Variants in MUC3A observed in about 807,000 individuals in gnomAD.
MUC3A encodes mucin-3A.
MUC3A carries 109 observed loss-of-function variants against 109.0 expected under a neutral mutation model. That is an observed-to-expected ratio of 1.00 (90% CI 0.86 to 1.17). MUC3A has a LOEUF of 1.17. Among genes scored for constraint, MUC3A ranks in the 50% most tolerant of loss-of-function variants. The pLI is 0.00. For synonymous variants in MUC3A, 1,398 were observed against 981.4 expected (o/e 1.42, Z -7.93); for missense variants, 3,537 against 2,469.4 (o/e 1.43, Z -9.16).
At position 100,958,797 on chromosome 7, in the gene MUC3A, A is replaced by C; in HGVS notation, c.7018A>C (p.Ser2340Arg). The change falls in exon 2 of 12, where the codon AGC becomes CGC. Residue 2340 changes from serine to arginine, a missense_variant. By Grantham distance (110) the Ser-to-Arg change is moderately radical. Transcript: ENST00000379458. Reference sequence around the variant, plus strand: ...CGAGACCACCTCACACAATACTCGCAGCTTCACTTCTTCGATCACCACCAC... The same window carrying C: ...CGAGACCACCTCACACAATACTCGCCGCTTCACTTCTTCGATCACCACCAC... ...TTETTSHNTR[S>R]FTSSITTTET... 8.1e-7 allele frequency: 1 copy of C among 1,229,452 alleles called. No individual in the cohort carries two copies. Among genetic ancestry groups the C allele is most frequent in the Non-Finnish European group, 1.0e-6 (1 of 976,874 alleles). The allele number at this position is 1,229,452 out of a possible 1,614,324, so 76.2% of individuals were successfully genotyped here. A position where few individuals can be genotyped will look rare whatever the true frequency, so the allele number is the denominator to read the frequency against.
rs376472248 is a variant in MUC3A, at chr7:100,959,559, C to G, written c.7780C>G (p.Pro2594Ala). 6 of 1,592,828 alleles carry G rather than the reference C, an allele frequency of 3.8e-6. No homozygotes were observed. In the African/African-American group the frequency reaches 5.3e-5, roughly 14 times the overall value. Reference protein sequence around the residue: ...LTSATGTQTSPAPTTVTFGST... With the variant: ...LTSATGTQTSAAPTTVTFGST... ...GTCAGCCACTGGGACCCAAACATCT[C>G]CTGCACCTACTACTGTCACCTTTGG... The change falls in exon 2 of 12, where the codon CCT becomes GCT. Residue 2594 changes from proline to alanine, a missense_variant. By Grantham distance (27) the Pro-to-Ala change is conservative. Transcript: ENST00000379458.
At chr7:100,964,926 A>G in intron 6 of MUC3A, 83 bp downstream of exon 6, 1 of 1,493,754 alleles carries the variant, frequency 6.7e-7, no homozygotes. Flanking sequence ...CACTGGGCTC[A>G]GGTGCCAGCC....
At position 100,959,756 on chromosome 7, in the gene MUC3A, T is replaced by C. The variant is rs775788057; in HGVS notation, c.7977T>C (p.Thr2659=). 2.5e-6 allele frequency: 4 copies of C among 1,598,098 alleles called. No homozygotes were observed. Among genetic ancestry groups the C allele is most frequent in the African/African-American group, 2.7e-5 (2 of 74,952 alleles). The change falls in exon 2 of 12, where the codon ACT becomes ACC. Residue 2659 remains threonine, a synonymous_variant. Coordinates refer to ENST00000379458, the MANE Select transcript of MUC3A (RefSeq NM_005960.2). Reference sequence around the variant, plus strand: ...CACTCACATCTACAAGTGAGTTCACTACAGAATCTTTCACTAGGGGAAGTA... The same window carrying C: ...CACTCACATCTACAAGTGAGTTCACCACAGAATCTTTCACTAGGGGAAGTA... ...QTSLTSTSEF[T]TESFTRGSTS... is the part of the protein sequence containing the mutation.
rs74356244 is a variant in MUC3A at position 100,952,703 on chromosome 7, C to G, written c.924C>G (p.Ile308Met). Residue 308 changes from isoleucine (I) to methionine (M), a missense_variant, in exon 2 of 12, where the codon ATC (isoleucine) becomes ATG (methionine). Coordinates refer to ENST00000379458, the MANE Select transcript of MUC3A (RefSeq NM_005960.2). ...VLSTETITSG[I>M]TNTTPLSTLV... ...GCACAGAAACAATCACCAGTGGTAT[C>G]ACAAACACCACCCCCCTATCCACCT... The G allele has an allele frequency of 3.8e-6, 6 of 1,569,860 alleles. No individual in the cohort carries two copies. In the South Asian group the frequency reaches 6.7e-5, roughly 17 times the overall value.
In MUC3A at chr7:100,958,279, C is replaced by G; in HGVS notation, c.6500C>G (p.Thr2167Ser). 1 of 904,290 alleles carries G rather than the reference C, an allele frequency of 1.1e-6. No homozygotes were observed. 56.0% of individuals were successfully genotyped at this position (904,290 alleles called of 1,614,324 possible). The change falls in exon 2 of 12, where the codon ACC becomes AGC. Residue 2167 changes from threonine to serine, a missense_variant. Thr to Ser is a moderately conservative substitution (Grantham distance 58). Coordinates refer to ENST00000379458, the MANE Select transcript of MUC3A (RefSeq NM_005960.2). The stretch of plus-strand genomic sequence containing the variant: ...CCCAGCTTCACTTCTTTGATCACCA[C>G]CACGGAGACCACCTCACACAGGTGG... ...STPSFTSLIT[T>S]TETTSHRWGT...
chr7:100,957,348 AC>A lies in MUC3A; in HGVS notation c.5571del (p.Tyr1858IlefsTer5), dbSNP rs1792124960. ...SALTDSTTRTTYSTNMTGTLS... is the reference protein window; with the variant it reads ...SALTDSTTRTXYSTNMTGTLS... Reference sequence around the variant, plus strand: ...TCTCACAGATTCCACGACCAGAACCACCTATTCCACCAATATGACAGGTACA... The same window carrying A: ...TCTCACAGATTCCACGACCAGAACCACTATTCCACCAATATGACAGGTACA... On this transcript the variant is annotated frameshift_variant, in exon 2 of 12. Transcript: ENST00000379458. LOFTEE classifies it high-confidence loss of function. 1 of 617,462 alleles carries A rather than the reference AC, an allele frequency of 1.6e-6. No homozygotes were observed. The highest frequency in any genetic ancestry group is 2.8e-6 in the Non-Finnish European group (1 of 355,812). 38.2% of individuals were successfully genotyped at this position (617,462 alleles called of 1,614,324 possible). A position where few individuals can be genotyped will look rare whatever the true frequency, so the allele number is the denominator to read the frequency against.
Position 100,949,563 on chromosome 7 carries a change from C to A in MUC3A, c.-62C>A. On this transcript the variant is annotated 5_prime_UTR_variant, in exon 1 of 12. Coordinates refer to ENST00000379458, the MANE Select transcript of MUC3A (RefSeq NM_005960.2). The stretch of plus-strand genomic sequence containing the variant: ...TCATTACGTGCACGCCCCAGGGCCA[C>A]GTCCCTGCCGCTGTCTTGGTCCTGA... 9.0e-7 allele frequency: 1 copy of A among 1,115,040 alleles called. No homozygotes were observed. The highest frequency in any genetic ancestry group is 1.1e-6 in the Non-Finnish European group (1 of 897,434). 69.1% of individuals were successfully genotyped at this position (1,115,040 alleles called of 1,614,324 possible).
At chr7:100,950,368 T>C (rs956017482) in intron 1 of MUC3A, among the ~76,000 whole-genome samples, 1 of 152,304 alleles carries the variant, frequency 6.6e-6, no homozygotes, top group African/African-American at 2.4e-5. Context: ...CACCTCGCAA[T>C]TCCTCTATAC....
chr7:100,959,866 C>G lies in MUC3A; in HGVS notation c.8087C>G (p.Ser2696Cys), dbSNP rs747153362. ...PTIIMSSSPS[S>C]ASITPVFSTT... ...ATTATCATGTCCTCTTCTCCATCTT[C>G]TGCCAGCATAACTCCAGTGTTTTCC... The change falls in exon 2 of 12, where the codon TCT becomes TGT. Residue 2696 changes from serine to cysteine, a missense_variant. By Grantham distance (112) the Ser-to-Cys change is moderately radical. Coordinates refer to ENST00000379458, the MANE Select transcript of MUC3A (RefSeq NM_005960.2). 8.3e-6 allele frequency: 13 copies of G among 1,558,278 alleles called. No individual in the cohort carries two copies. Among genetic ancestry groups the G allele is most frequent in the Non-Finnish European group, 1.0e-5 (12 of 1,160,068 alleles).
rs752636224 is a variant in MUC3A at position 100,960,239 on chromosome 7, T to C, written c.8460T>C (p.Ser2820=). 1 of 1,598,402 alleles carries C rather than the reference T, an allele frequency of 6.3e-7. No homozygotes were observed. Among genetic ancestry groups the C allele is most frequent in the South Asian group, 1.1e-5 (1 of 91,084 alleles). Residue 2820 remains serine (S), a synonymous_variant, in exon 2 of 12, where the codon AGT becomes AGC. Transcript: ENST00000379458. ...TGGTCACCTGTCCTACCTCCATCAG[T>C]ATCCAAACTACTCTTACTACATATA... is the stretch of plus-strand genomic sequence containing the variant. ...TEMVTCPTSI[S]IQTTLTTYMD...
At chr7:100,961,822 A>C (rs1028877984) in intron 3 of MUC3A, among the ~76,000 whole-genome samples, 5 of 152,310 alleles carry the variant, frequency 3.3e-5, no homozygotes, top group Non-Finnish European at 7.3e-5. Context: ...CTGTCTTAAA[A>C]GAAAAAAAAA....
At position 100,966,374 on chromosome 7, in the gene MUC3A, G is replaced by A; in HGVS notation, c.9612-12G>A. The A allele has an allele frequency of 7.6e-7, 1 of 1,323,260 alleles. No individual in the cohort carries two copies. Among genetic ancestry groups the A allele is most frequent in the Non-Finnish European group, 9.6e-7 (1 of 1,042,450 alleles). 82.0% of individuals were successfully genotyped at this position (1,323,260 alleles called of 1,614,324 possible). On this transcript the variant is annotated splice_polypyrimidine_tract_variant and intron_variant, in intron 8 of 11. Coordinates refer to ENST00000379458, the MANE Select transcript of MUC3A (RefSeq NM_005960.2). ...GGAGGTGAAGAGGGTCTGACCCTGCGATCTCCCGCAGCTGCTACTCCACCG... is the reference window on the plus strand; with the variant it reads ...GGAGGTGAAGAGGGTCTGACCCTGCAATCTCCCGCAGCTGCTACTCCACCG...
In MUC3A at chr7:100,965,552, G is replaced by A. The variant is rs1302742173; in HGVS notation, c.9449-152G>A. On this transcript the variant is annotated intron_variant, in intron 7 of 11. Coordinates refer to ENST00000379458, the MANE Select transcript of MUC3A (RefSeq NM_005960.2). ...AGGAGAGGGTGAGGGTGCTGCGGGTGGCCTCCCCTCATCGAATCCCAGGGT... is the reference window on the plus strand; with the variant it reads ...AGGAGAGGGTGAGGGTGCTGCGGGTAGCCTCCCCTCATCGAATCCCAGGGT... The A allele has an allele frequency of 6.3e-6, 9 of 1,418,550 alleles. No individual in the cohort carries two copies. The Admixed American group carries it at 6.9e-5, about 11-fold the overall frequency. 87.9% of individuals were successfully genotyped at this position (1,418,550 alleles called of 1,614,324 possible).
At position 100,958,726 on chromosome 7, in the gene MUC3A, C is replaced by T. The variant is rs548609332; in HGVS notation, c.6947C>T (p.Thr2316Ile). ...ACTTCTTCGATCACCACCACGGAGA[C>T]CACCTCACACAGTGCTCACAGCTTC... ...SFTSSITTTETTSHSAHSFTS... is the reference protein window; with the variant it reads ...SFTSSITTTEITSHSAHSFTS... Residue 2316 changes from threonine (T) to isoleucine (I), a missense_variant, in exon 2 of 12, where the codon ACC becomes ATC. Physicochemically the swap from Thr to Ile is moderately conservative, Grantham distance 89. Transcript: ENST00000379458. 4.0e-6 allele frequency: 6 copies of T among 1,508,858 alleles called. 1 individual carries two copies. In the African/African-American group the frequency reaches 8.5e-5, roughly 21 times the overall value. The allele number at this position is 1,508,858 out of a possible 1,614,324, so 93.5% of individuals were successfully genotyped here. A position where few individuals can be genotyped will look rare whatever the true frequency, so the allele number is the denominator to read the frequency against.
At position 100,960,000 on chromosome 7, in the gene MUC3A, A is replaced by T; in HGVS notation, c.8221A>T (p.Thr2741Ser). The T allele has an allele frequency of 6.6e-7, 1 of 1,506,808 alleles. No individual in the cohort carries two copies. Among genetic ancestry groups the T allele is most frequent in the Non-Finnish European group, 8.8e-7 (1 of 1,139,218 alleles). The allele number at this position is 1,506,808 out of a possible 1,614,324, so 93.3% of individuals were successfully genotyped here. Residue 2741 changes from threonine (T) to serine (S), a missense_variant, in exon 2 of 12, where the codon ACT (threonine) becomes TCT (serine). By Grantham distance (58) the Thr-to-Ser change is moderately conservative. Coordinates refer to ENST00000379458, the MANE Select transcript of MUC3A (RefSeq NM_005960.2). ...TCTCTCTTCCTCTGCAACTACCAGC[A>T]CTTCTTCAACCAGCTCCTCTCTGAC... The part of the protein sequence containing the change: ...PSLSSSATTS[T>S]SSTSSSLTTA...
At chr7:100,964,485 A>G (rs1231009153) in intron 5 of MUC3A, 142 of 733,662 alleles carry the variant, frequency 1.9e-4, no homozygotes, top group Non-Finnish European at 2.5e-5. Context: ...GAGGAAGTCA[A>G]TCATGTCAGT....
intron 6 of MUC3A, 75 bp from the exon 7 acceptor site, chr7:100,965,207 C>T: frequency 6.4e-7 from 1 of 1,563,042 alleles, no homozygotes; most frequent in East Asian, 2.3e-5. Flanking sequence ...GCCTATCCTG[C>T]CTCCTGGCGC....
Position 100,965,789 on chromosome 7 carries a change from A to G in MUC3A, c.9534A>G (p.Lys3178=). ...CCACCCGGCTCCGCTGTGTCACCAA[A>G]TGCACGTCGGGGGTGGACAACGCCA... The part of the protein sequence containing the change: ...VEATRLRCVT[K]CTSGVDNAID... The change falls in exon 8 of 12, where the codon AAA becomes AAG. Residue 3178 remains lysine, a synonymous_variant. Transcript: ENST00000379458. 1.3e-6 allele frequency: 2 copies of G among 1,597,600 alleles called. No individual in the cohort carries two copies. The highest frequency in any genetic ancestry group is 1.7e-6 in the Non-Finnish European group (2 of 1,179,048).
At position 100,963,117 on chromosome 7, in the gene MUC3A, G is replaced by A. The variant is rs1471349272; in HGVS notation, c.9053-34G>A. On this transcript the variant is annotated intron_variant, in intron 3 of 11. Transcript: ENST00000379458. ...TGGTGGCTTCAGACAAAAGCAGACA[G>A]AGAAGTGACTGGGGACATGCATGCT... is the stretch of plus-strand genomic sequence containing the variant. 1.9e-6 allele frequency: 3 copies of A among 1,590,812 alleles called. No homozygotes were observed. The African/African-American group carries it at 4.0e-5, about 21-fold the overall frequency.
Sources: allele counts gnomAD v4.1 joint callset (sites outside exome capture counted in the v4.1 genomes callset), GRCh38; gene constraint gnomAD v4.1.1; transcripts MANE v1.5; gene names NCBI Gene and HGNC (gene_info 2026-07-23, HGNC 2026-07-21).